STK32A: variants seen among roughly 807,000 people sequenced by gnomAD.
STK32A encodes serine/threonine-protein kinase 32A.
A neutral mutation model predicts 53.2 loss-of-function variants in STK32A; 41 were observed. The ratio of observed to expected loss-of-function variants is 0.77; its 90% CI spans 0.60 to 1.00. STK32A has a LOEUF of 1.00. Ranked by LOEUF, STK32A falls within the 50% of genes least tolerant of loss-of-function variation. The pLI, the probability that STK32A is intolerant of heterozygous loss-of-function variation, is 0.00. For synonymous variants in STK32A, 166 were observed against 162.8 expected (o/e 1.02, Z -0.15); for missense variants, 458 against 485.8 (o/e 0.94, Z 0.54).
chr5:147,357,027 T>A (rs186620010), intron 7 of STK32A, among the ~76,000 whole-genome samples: 225 of 152,284 alleles, frequency 1.5e-3, no homozygotes, highest in Non-Finnish European at 2.7e-3. Flanking sequence ...AAAACAGTAA[T>A]GTGGGTAATG....
intron 5 of STK32A, among the ~76,000 whole-genome samples, chr5:147,325,428 C>T (rs1360938400): frequency 2.0e-5 from 3 of 152,042 alleles, no homozygotes; most frequent in Non-Finnish European, 4.4e-5. Flanking sequence ...TCTGGGATTA[C>T]AGGAGTGAGC....
At chr5:147,254,127 T>C (rs1002695998) in intron 2 of STK32A, among the ~76,000 whole-genome samples, 8 of 152,170 alleles carry the variant, frequency 5.3e-5, no homozygotes, top group Non-Finnish European at 1.0e-4. Context: ...CAGGGCCCAC[T>C]CTACTCCATT....
the STK32A span, among the ~76,000 whole-genome samples, chr5:147,400,995 C>T: frequency 6.6e-6 from 1 of 152,110 alleles, no homozygotes; most frequent in African/African-American, 2.4e-5. Flanking sequence ...GAGTTTCTTC[C>T]CCTCCCTGGG....
intron 8 of STK32A, among the ~76,000 whole-genome samples, chr5:147,370,321 C>T (rs1756953181): frequency 6.6e-6 from 1 of 152,144 alleles, no homozygotes; most frequent in Admixed American, 6.5e-5. Context: ...CGTGTTAATA[C>T]TTATATAATA....
intron 6 of STK32A, among the ~76,000 whole-genome samples, chr5:147,344,760 T>G: frequency 6.6e-6 from 1 of 152,236 alleles, no homozygotes; most frequent in East Asian, 1.9e-4. Flanking sequence ...GAGTCCTCAC[T>G]TGCTCCCTCA....
chr5:147,314,531 A>C lies in STK32A; in HGVS notation c.261-9367A>C, dbSNP rs556019111. Among the ~76,000 whole-genome samples the C allele has an allele frequency of 6.5e-3, 838 of 128,416 alleles. 34 individuals are homozygous for C. The highest frequency in any genetic ancestry group is 0.024 in the South Asian group (99 of 4,136). 84.2% of individuals were successfully genotyped at this position (128,416 alleles called of 152,430 possible). On this transcript the variant is annotated intron_variant, in intron 4 of 12. Coordinates refer to ENST00000397936, the MANE Select transcript of STK32A (RefSeq NM_001112724.2). Reference sequence around the variant, plus strand: ...ACAAAAAAAAACAAAAAAAAACAAAAAAAAAAAAAGAACAAAGATTTCTTC... The same window carrying C: ...ACAAAAAAAAACAAAAAAAAACAAACAAAAAAAAAGAACAAAGATTTCTTC...
At chr5:147,395,621 C>G in the STK32A span, 15 of 1,613,930 alleles carry the variant, frequency 9.3e-6, no homozygotes, top group African/African-American at 2.7e-5. Context: ...AGTAGGAGAG[C>G]CCCGAGCAGA....
the STK32A span, among the ~76,000 whole-genome samples, chr5:147,398,709 T>C: frequency 6.6e-6 from 1 of 152,274 alleles, no homozygotes; most frequent in Non-Finnish European, 1.5e-5. Flanking sequence ...AAGTTAGGTA[T>C]AGCCACAGGA....
At chr5:147,290,739 T>C (rs762274024) in intron 4 of STK32A, among the ~76,000 whole-genome samples, 6 of 152,148 alleles carry the variant, frequency 3.9e-5, no homozygotes, top group Non-Finnish European at 5.9e-5. Flanking sequence ...ACTCTGAACA[T>C]AGCCCAATAA....
At chr5:147,336,760 T>C (rs1326089929) in intron 5 of STK32A, among the ~76,000 whole-genome samples, 1 of 152,178 alleles carries the variant, frequency 6.6e-6, no homozygotes, top group African/African-American at 2.4e-5. Context: ...GCTCTTAACA[T>C]GGGTCTGTTT....
chr5:147,289,402 A>G (rs1752495989), intron 4 of STK32A, among the ~76,000 whole-genome samples: 1 of 152,136 alleles, frequency 6.6e-6, no homozygotes, highest in African/African-American at 2.4e-5. Context: ...CCTCTCAATA[A>G]TACTTTCAAT....
intron 4 of STK32A, among the ~76,000 whole-genome samples, chr5:147,314,959 G>T (rs776176528): frequency 6.6e-6 from 1 of 151,892 alleles, no homozygotes; most frequent in East Asian, 1.9e-4. Context: ...TGCCCAGGCT[G>T]GTCTGAAACT....
intron 8 of STK32A, among the ~76,000 whole-genome samples, 198 bp downstream of exon 8, chr5:147,361,812 T>A (rs767249650): frequency 1.3e-5 from 2 of 152,234 alleles, no homozygotes; most frequent in African/African-American, 2.4e-5. Flanking sequence ...CCATGTCAAT[T>A]ACCATTAAAT....
chr5:147,386,981 A>G lies in STK32A; in HGVS notation c.*2998A>G, dbSNP rs899737272. On this transcript the variant is annotated 3_prime_UTR_variant, in exon 13 of 13. Coordinates refer to ENST00000397936, the MANE Select transcript of STK32A (RefSeq NM_001112724.2). ...ACATGTCTCTTCCGGAGTTGTGACAACCGAGGCTCAGAGCTGTGATTTTTA... is the reference window on the plus strand; with the variant it reads ...ACATGTCTCTTCCGGAGTTGTGACAGCCGAGGCTCAGAGCTGTGATTTTTA... The G allele has an allele frequency of 1.3e-5, 2 of 152,238 alleles. No homozygotes were observed. Among genetic ancestry groups the G allele is most frequent in the African/African-American group, 4.8e-5 (2 of 41,466 alleles). The allele number at this position is 152,238 out of a possible 1,614,324, so 9.4% of individuals were successfully genotyped here.
chr5:147,253,722 A>T (rs1754100203), intron 2 of STK32A, among the ~76,000 whole-genome samples: 1 of 152,196 alleles, frequency 6.6e-6, no homozygotes. Flanking sequence ...TTCAAGAAGG[A>T]TCCCTGGAGT....
At chr5:147,366,657 C>T (rs73262263) in intron 8 of STK32A, among the ~76,000 whole-genome samples, 7,336 of 152,148 alleles carry the variant, frequency 0.048, 629 homozygotes, top group African/African-American at 0.17. Context: ...TAGAAAACCA[C>T]GAAAATGAAA....
At chr5:147,256,282 C>A (rs1754233442) in intron 2 of STK32A, among the ~76,000 whole-genome samples, 1 of 152,164 alleles carries the variant, frequency 6.6e-6, no homozygotes, top group Non-Finnish European at 1.5e-5. Context: ...GGCTGACCTG[C>A]AGGGTACCAG....
chr5:147,397,196 A>ATG, the STK32A span, among the ~76,000 whole-genome samples: 1 of 145,556 alleles, frequency 6.9e-6, no homozygotes, highest in East Asian at 2.0e-4. Flanking sequence ...ATATACACAC[A>ATG]TATCTCTGTG....
intron 4 of STK32A, 22 bp downstream of exon 4, chr5:147,279,420 C>T: frequency 6.4e-7 from 1 of 1,553,148 alleles, no homozygotes; most frequent in South Asian, 1.2e-5. Context: ...TACTGGACCT[C>T]TGAATAGAGA....
Sources: allele counts gnomAD v4.1 joint callset (sites outside exome capture counted in the v4.1 genomes callset), GRCh38; gene constraint gnomAD v4.1.1; transcripts MANE v1.5; gene names NCBI Gene and HGNC (gene_info 2026-07-23, HGNC 2026-07-21).